ZMYM4: variants seen among roughly 807,000 people sequenced by gnomAD.
ZMYM4 encodes the protein zinc finger MYM-type containing 4.
In ZMYM4, 31 loss-of-function variants were observed where a neutral mutation model predicts 183.2. The observed-to-expected ratio is 0.17, with a 90% CI of 0.13 to 0.23. ZMYM4 has a LOEUF of 0.23. ZMYM4 is among the 10% of genes least tolerant of loss of function. The pLI, the probability that ZMYM4 is intolerant of heterozygous loss-of-function variation, is 1.00. For synonymous variants in ZMYM4, 592 were observed against 631.2 expected (o/e 0.94, Z 0.93); for missense variants, 1,273 against 1,840.3 (o/e 0.69, Z 5.64).
intron 26 of ZMYM4, among the ~76,000 whole-genome samples, chr1:35,413,068 G>C (rs1570555303): frequency 6.6e-6 from 1 of 151,860 alleles, no homozygotes; most frequent in Admixed American, 6.6e-5. Flanking sequence ...AAAGAGACAG[G>C]GTCTTGCTCT....
At position 35,345,310 on chromosome 1, in the gene ZMYM4, C is replaced by G. The variant is rs1330013247; in HGVS notation, c.86-13615C>G. Among the ~76,000 whole-genome samples, 6 of 152,186 alleles carry G rather than the reference C, an allele frequency of 3.9e-5. No homozygotes were observed. In the East Asian group the frequency reaches 1.2e-3, roughly 29 times the overall value. On this transcript the variant is annotated intron_variant, in intron 2 of 29. Coordinates refer to ENST00000314607, the MANE Select transcript of ZMYM4 (RefSeq NM_005095.3). Reference sequence around the variant, plus strand: ...AGTTGTTAATCATTCTTATGTATTGCCATCAAGTTAATAATATTTTAAACT... The same window carrying G: ...AGTTGTTAATCATTCTTATGTATTGGCATCAAGTTAATAATATTTTAAACT...
rs71062872 is a variant in ZMYM4 at position 35,286,772 on chromosome 1, A to ATTTTTT, written c.39+17720_39+17725dup. ...ACCCTTGTGCCTGGCTATTTAAATA[A>ATTTTTT]TTTTTTTTTTTTTTTTTTTTTTTTT... On this transcript the variant is annotated intron_variant, in intron 1 of 29. Transcript: ENST00000314607. Among the ~76,000 whole-genome samples, 15 of 46,524 alleles carry ATTTTTT rather than the reference A, an allele frequency of 3.2e-4. 2 individuals carry two copies. The highest frequency in any genetic ancestry group is 4.4e-4 in the Non-Finnish European group (10 of 22,878). 30.5% of individuals were successfully genotyped at this position (46,524 alleles called of 152,430 possible).
chr1:35,374,019 CTTTT>C (rs397863926), intron 7 of ZMYM4, among the ~76,000 whole-genome samples: 2 of 52,794 alleles, frequency 3.8e-5, no homozygotes, highest in African/African-American at 1.5e-4. Flanking sequence ...TCATGGGATT[CTTTT>C]TTTTTTTTTT....
intron 1 of ZMYM4, among the ~76,000 whole-genome samples, chr1:35,290,932 T>A (rs558824603): frequency 2.0e-5 from 3 of 152,326 alleles, no homozygotes; most frequent in Admixed American, 6.5e-5. Flanking sequence ...CTCTAGAAAT[T>A]AAATTACTGG....
In ZMYM4 at chr1:35,386,112, A is replaced by G. The variant is rs1644569878; in HGVS notation, c.1759A>G (p.Ile587Val). The G allele has an allele frequency of 4.3e-6, 7 of 1,613,992 alleles. No homozygotes were observed. Among genetic ancestry groups the G allele is most frequent in the Middle Eastern group, 1.6e-4 (1 of 6,062 alleles). ...VQCNSCKTSA[I>V]PQYHLAMSDG... ...GTGTAACAGTTGTAAAACCTCAGCA[A>G]TTCCTCAGTATCACCTAGCCATGTC... The change falls in exon 11 of 30, where the codon ATT (isoleucine) becomes GTT (valine). Residue 587 changes from isoleucine (I) to valine (V), a missense_variant. Around this residue, in one of 6 missense-constraint regions of ZMYM4, gnomAD observed 319 missense variants for 518.1 expected, o/e 0.62. Coordinates refer to ENST00000314607, the MANE Select transcript of ZMYM4 (RefSeq NM_005095.3).
At chr1:35,331,791 AAAATACATAAAT>A (rs1258506521) in intron 2 of ZMYM4, among the ~76,000 whole-genome samples, 4 of 84,428 alleles carry the variant, frequency 4.7e-5, no homozygotes, top group South Asian at 3.9e-4. Flanking sequence ...CTCCATCTCA[AAAATACATAAAT>A]AAATAAATAA....
chr1:35,325,255 T>G (rs1642457791), intron 1 of ZMYM4, 105 bp from the exon 2 acceptor site: 1 of 1,046,892 alleles, frequency 9.6e-7, no homozygotes, highest in Non-Finnish European at 1.4e-6. Flanking sequence ...CACTTGTCAT[T>G]TGGGTTGAAA....
At chr1:35,341,236 A>G (rs970614914) in intron 2 of ZMYM4, among the ~76,000 whole-genome samples, 1 of 152,104 alleles carries the variant, frequency 6.6e-6, no homozygotes, top group Non-Finnish European at 1.5e-5. Context: ...TTTGCTTTCC[A>G]TTAAGCCACT....
At position 35,420,438 on chromosome 1, in the gene ZMYM4, A is replaced by G. The variant is rs369532304; in HGVS notation, c.*761A>G. On this transcript the variant is annotated 3_prime_UTR_variant, in exon 30 of 30. Coordinates refer to ENST00000314607, the MANE Select transcript of ZMYM4 (RefSeq NM_005095.3). ...AAATCTGTGGAGCCTATCAGACCCCAAGTGTCTTGAAATGTTTGTAGAAAC... is the reference window on the plus strand; with the variant it reads ...AAATCTGTGGAGCCTATCAGACCCCGAGTGTCTTGAAATGTTTGTAGAAAC... The G allele has an allele frequency of 3.9e-5, 6 of 152,592 alleles. No homozygotes were observed. In the South Asian group the frequency reaches 1.0e-3, roughly 26 times the overall value. 9.5% of individuals were successfully genotyped at this position (152,592 alleles called of 1,614,324 possible).
At chr1:35,270,102 CTGAGCT>C (rs1266239131) in intron 1 of ZMYM4, among the ~76,000 whole-genome samples, 1 of 152,150 alleles carries the variant, frequency 6.6e-6, no homozygotes, top group Non-Finnish European at 1.5e-5. Flanking sequence ...GTGCCTGGCA[CTGAGCT>C]AAGACCTTTA....
Position 35,358,899 on chromosome 1 carries a change from G to A in ZMYM4, c.86-26G>A, listed in dbSNP as rs748997394. ...GTGGTCATCTTTAGCACTATCATTT[G>A]TCTAAACAGTATTTTACTTTTTAAG... is the stretch of plus-strand genomic sequence containing the variant. On this transcript the variant is annotated intron_variant, in intron 2 of 29. Coordinates refer to ENST00000314607, the MANE Select transcript of ZMYM4 (RefSeq NM_005095.3). 21 of 1,588,534 alleles carry A rather than the reference G, an allele frequency of 1.3e-5. No individual in the cohort carries two copies. The Middle Eastern group carries it at 5.0e-4, about 38-fold the overall frequency.
intron 2 of ZMYM4, among the ~76,000 whole-genome samples, chr1:35,335,584 CTTGT>C (rs1332117483): frequency 3.3e-5 from 5 of 152,022 alleles, no homozygotes; most frequent in African/African-American, 9.7e-5. Context: ...GTATGCGGTT[CTTGT>C]TTATTTGTTT....
Position 35,397,444 on chromosome 1 carries a change from A to G in ZMYM4, c.3098A>G (p.Asp1033Gly). ...GATAAAGTCACAGAGAGTATTGAAG[A>G]CATTAAAGAAAAGCTTCCCACACAT... ...SEDKVTESIEDIKEKLPTHPF... is the reference protein window; with the variant it reads ...SEDKVTESIEGIKEKLPTHPF... The change falls in exon 20 of 30, where the codon GAC becomes GGC. Residue 1033 changes from aspartate to glycine, a missense_variant. By Grantham distance (94) the Asp-to-Gly change is moderately conservative (BLOSUM62 -1). Coordinates refer to ENST00000314607, the MANE Select transcript of ZMYM4 (RefSeq NM_005095.3). 1 of 1,613,524 alleles carries G rather than the reference A, an allele frequency of 6.2e-7. No individual in the cohort carries two copies. Among genetic ancestry groups the G allele is most frequent in the African/African-American group, 1.3e-5 (1 of 75,042 alleles).
intron 1 of ZMYM4, among the ~76,000 whole-genome samples, chr1:35,287,123 T>G (rs915379642): frequency 2.0e-5 from 3 of 152,090 alleles, no homozygotes; most frequent in African/African-American, 7.2e-5. Context: ...CTCATGGTTC[T>G]CCTCTTGAAT....
At chr1:35,419,324 G>T in intron 29 of ZMYM4, 146 bp from the exon 30 acceptor site, 2 of 749,260 alleles carry the variant, frequency 2.7e-6, no homozygotes, top group Non-Finnish European at 4.2e-6. Flanking sequence ...ATATTAGGTT[G>T]GTGCAAAAAT....
At chr1:35,369,405 G>A (rs1160854740) in intron 5 of ZMYM4, among the ~76,000 whole-genome samples, 1 of 152,072 alleles carries the variant, frequency 6.6e-6, no homozygotes, top group African/African-American at 2.4e-5. Context: ...TTCAGACTAT[G>A]TAGACCTCAG....
At chr1:35,401,890 A>G (rs1012671658) in intron 23 of ZMYM4, among the ~76,000 whole-genome samples, 7 of 152,078 alleles carry the variant, frequency 4.6e-5, no homozygotes, top group African/African-American at 1.7e-4. Context: ...TACATTGGCA[A>G]CTCTGTTAAA....
intron 2 of ZMYM4, among the ~76,000 whole-genome samples, chr1:35,355,960 G>A (rs1481210506): frequency 6.6e-6 from 1 of 152,164 alleles, no homozygotes; most frequent in Non-Finnish European, 1.5e-5. Context: ...GGGTGCAGTG[G>A]CTCATGTCTG....
In ZMYM4 at chr1:35,396,618, C is replaced by T; in HGVS notation, c.2978C>T (p.Pro993Leu). ...CCCGTACCAGTGTTTGTTCCCATAC[C>T]TCTTCACCTTTATACTCAATATGCT... ...PVPVPVFVPI[P>L]LHLYTQYAPV... Residue 993 changes from proline (P) to leucine (L), a missense_variant, in exon 19 of 30, where the codon CCT becomes CTT. Around this residue, in one of 6 missense-constraint regions of ZMYM4, gnomAD observed 290 missense variants for 353.3 expected, o/e 0.82. Coordinates refer to ENST00000314607, the MANE Select transcript of ZMYM4 (RefSeq NM_005095.3). The T allele has an allele frequency of 6.2e-7, 1 of 1,613,802 alleles. No individual in the cohort carries two copies. Among genetic ancestry groups the T allele is most frequent in the Non-Finnish European group, 8.5e-7 (1 of 1,179,772 alleles).
Sources: allele counts gnomAD v4.1 joint callset (sites outside exome capture counted in the v4.1 genomes callset), GRCh38; gene constraint gnomAD v4.1.1; regional missense constraint gnomAD v4.1.1; transcripts MANE v1.5; gene names NCBI Gene and HGNC (gene_info 2026-07-23, HGNC 2026-07-21).